ADTRP: variants seen among roughly 807,000 people sequenced by gnomAD.
ADTRP encodes the protein androgen-dependent TFPI-regulating protein.
ADTRP carries 20 observed loss-of-function variants against 27.0 expected under a neutral mutation model. The ratio of observed to expected loss-of-function variants is 0.74; its 90% CI spans 0.52 to 1.08. The LOEUF (loss-of-function observed/expected upper bound fraction) is 1.08, where lower values mean the gene tolerates loss of function less well. ADTRP is among the 50% of genes least tolerant of loss of function. The pLI is 0.00. For synonymous variants in ADTRP, 101 were observed against 105.2 expected (o/e 0.96, Z 0.25); for missense variants, 251 against 275.0 (o/e 0.91, Z 0.62).
intron 3 of ADTRP, among the ~76,000 whole-genome samples, chr6:11,757,078 T>C (rs1763234694): frequency 6.6e-6 from 1 of 152,230 alleles, no homozygotes; most frequent in African/African-American, 2.4e-5. Flanking sequence ...TAAGTGTGTA[T>C]CAGAAATATA....
intron 3 of ADTRP, among the ~76,000 whole-genome samples, chr6:11,737,305 G>A (rs979268772): frequency 1.3e-5 from 2 of 152,050 alleles, no homozygotes; most frequent in African/African-American, 4.8e-5. Flanking sequence ...TTCACCCACA[G>A]TCTCCACCTG....
chr6:11,770,125 G>C lies in ADTRP; in HGVS notation c.154-1742C>G, dbSNP rs201390984. On this transcript the variant is annotated intron_variant, in intron 1 of 5. Coordinates refer to ENST00000414691, the MANE Select transcript of ADTRP (RefSeq NM_032744.4). ...ATAAAAAAAATTATCAGGTTTCTGA[G>C]CGTAGTTCAGATAAAGCATTGTGGG... 3.9e-6 allele frequency: 6 copies of C among 1,529,312 alleles called. No individual in the cohort carries two copies. In the East Asian group the frequency reaches 1.5e-4, roughly 37 times the overall value. 94.7% of individuals were successfully genotyped at this position (1,529,312 alleles called of 1,614,324 possible).
intron 3 of ADTRP, among the ~76,000 whole-genome samples, chr6:11,764,340 G>C (rs1397142906): frequency 2.0e-5 from 3 of 152,148 alleles, no homozygotes; most frequent in Admixed American, 6.5e-5. Context: ...CTGAAGTGGG[G>C]GGGAGATGGT....
At chr6:11,723,083 T>C (rs1762068806) in intron 5 of ADTRP, among the ~76,000 whole-genome samples, 1 of 152,212 alleles carries the variant, frequency 6.6e-6, no homozygotes, top group African/African-American at 2.4e-5. Flanking sequence ...CTAAAGAAGA[T>C]TATTTTTAGC....
chr6:11,724,044 G>T (rs1399016378), intron 4 of ADTRP, among the ~76,000 whole-genome samples: 1 of 150,626 alleles, frequency 6.6e-6, no homozygotes. Flanking sequence ...TGGGCAACAA[G>T]AGTGAAACTT....
chr6:11,771,669 C>T (rs1419201220), intron 1 of ADTRP, among the ~76,000 whole-genome samples: 4 of 152,238 alleles, frequency 2.6e-5, no homozygotes, highest in Non-Finnish European at 5.9e-5. Context: ...CACCAACCAC[C>T]ACCAAATTCA....
chr6:11,720,833 C>T (rs1422206930), intron 5 of ADTRP, among the ~76,000 whole-genome samples: 1 of 152,114 alleles, frequency 6.6e-6, no homozygotes, highest in Non-Finnish European at 1.5e-5. Flanking sequence ...ACTCCCTGCC[C>T]AATACTCTAC....
Position 11,778,799 on chromosome 6 carries a change from T to G in ADTRP, c.-40A>C, listed in dbSNP as rs745715914. 1.9e-6 allele frequency: 3 copies of G among 1,599,316 alleles called. No individual in the cohort carries two copies. The highest frequency in any genetic ancestry group is 1.7e-4 in the Middle Eastern group (1 of 5,944). ...GGGGCACCGTGAATGTCTTGAGTAC[T>G]TTCTGGCGTCCTTCTGTGGGTCACA... On this transcript the variant is annotated 5_prime_UTR_variant, in exon 1 of 6. Transcript: ENST00000414691.
chr6:11,730,934 CAG>C (rs552772618), intron 4 of ADTRP, among the ~76,000 whole-genome samples: 219 of 152,342 alleles, frequency 1.4e-3, no homozygotes, highest in African/African-American at 5.1e-3. Context: ...TCTACCAACA[CAG>C]GGGGCTGATG....
intron 1 of ADTRP, among the ~76,000 whole-genome samples, chr6:11,777,172 G>A (rs1440287955): frequency 6.6e-6 from 1 of 152,206 alleles, no homozygotes; most frequent in Non-Finnish European, 1.5e-5. Flanking sequence ...GACAAGATAA[G>A]AGACTTTTCT....
At chr6:11,723,075 AAAG>A (rs1267654565) in intron 5 of ADTRP, among the ~76,000 whole-genome samples, 1 of 152,150 alleles carries the variant, frequency 6.6e-6, no homozygotes, top group African/African-American at 2.4e-5. Context: ...TGGGCTTTCT[AAAG>A]AAGATTATTT....
At chr6:11,777,509 G>T (rs1031938338) in intron 1 of ADTRP, among the ~76,000 whole-genome samples, 2 of 152,086 alleles carry the variant, frequency 1.3e-5, no homozygotes, top group African/African-American at 4.8e-5. Context: ...GTTTACTGTG[G>T]CACTGCTAGT....
intron 4 of ADTRP, among the ~76,000 whole-genome samples, chr6:11,729,422 C>T (rs530669177): frequency 1.2e-4 from 18 of 152,234 alleles, no homozygotes; most frequent in African/African-American, 3.9e-4. Flanking sequence ...CCTTCAGGGC[C>T]CATGGTTTTC....
chr6:11,714,352 A>G lies in ADTRP; in HGVS notation c.*126T>C. ...CACGAACCTCTTATTAAATTTAAGT[A>G]TCACTCTCTGTCCCTCCTACTTTGC... On this transcript the variant is annotated 3_prime_UTR_variant, in exon 6 of 6. Transcript: ENST00000414691. 2 of 1,082,820 alleles carry G rather than the reference A, an allele frequency of 1.8e-6. No homozygotes were observed. The highest frequency in any genetic ancestry group is 2.7e-6 in the Non-Finnish European group (2 of 750,062). The allele number at this position is 1,082,820 out of a possible 1,614,324, so 67.1% of individuals were successfully genotyped here.
intron 3 of ADTRP, among the ~76,000 whole-genome samples, chr6:11,765,381 G>A (rs1763535839): frequency 7.3e-6 from 1 of 137,874 alleles, no homozygotes; most frequent in Admixed American, 8.0e-5. Flanking sequence ...AGGCTGAAGT[G>A]CAATGGTGCG....
At chr6:11,774,888 G>A (rs1050237956) in intron 1 of ADTRP, among the ~76,000 whole-genome samples, 30 of 152,224 alleles carry the variant, frequency 2.0e-4, no homozygotes, top group African/African-American at 6.3e-4. Flanking sequence ...CATTTGTGGA[G>A]GACTCAGGCA....
Position 11,746,769 on chromosome 6 carries a change from G to A in ADTRP, c.391-11086C>T, listed in dbSNP as rs116285705. ...TTCCAGACAAGAAGGCTGTTGGTAA[G>A]CATGCAGGCCAGGCGCTTGCCCCTT... is the stretch of plus-strand genomic sequence containing the variant. On this transcript the variant is annotated intron_variant, in intron 3 of 5. Coordinates refer to ENST00000414691, the MANE Select transcript of ADTRP (RefSeq NM_032744.4). Among the ~76,000 whole-genome samples, 1,118 of 152,302 alleles carry A rather than the reference G, an allele frequency of 7.3e-3. 15 individuals carry two copies. Among genetic ancestry groups the A allele is most frequent in the African/African-American group, 0.025 (1,057 of 41,556 alleles).
intron 3 of ADTRP, among the ~76,000 whole-genome samples, chr6:11,763,989 T>C (rs1019854766): frequency 6.6e-6 from 1 of 152,240 alleles, no homozygotes; most frequent in Non-Finnish European, 1.5e-5. Context: ...AACATCTGTA[T>C]ATGACCTGGG....
intron 1 of ADTRP, among the ~76,000 whole-genome samples, chr6:11,770,388 G>A (rs917945462): frequency 1.3e-5 from 2 of 152,162 alleles, no homozygotes; most frequent in Non-Finnish European, 2.9e-5. Flanking sequence ...CAAGAGAGGC[G>A]GGGCTGGGGA....
Sources: allele counts gnomAD v4.1 joint callset (sites outside exome capture counted in the v4.1 genomes callset), GRCh38; gene constraint gnomAD v4.1.1; transcripts MANE v1.5; gene names NCBI Gene and HGNC (gene_info 2026-07-23, HGNC 2026-07-21).